LPCAT3: variants seen among roughly 807,000 people sequenced by gnomAD.
The protein encoded by LPCAT3 is lysophosphatidylcholine acyltransferase 3.
Under a neutral mutation model 63.4 loss-of-function variants are expected in LPCAT3, and 21 were observed. That is an observed-to-expected ratio of 0.33 (90% CI 0.23 to 0.48). The LOEUF (loss-of-function observed/expected upper bound fraction) is 0.48. Among genes scored for constraint, LPCAT3 ranks in the 20% least tolerant of loss-of-function variants. The probability of loss-of-function intolerance (pLI) is 0.99; values close to 1 mark genes in which losing one functional copy is unlikely to be tolerated. For missense variants in LPCAT3, 451 were observed against 590.6 expected, an observed-to-expected ratio of 0.76 and a Z score of 2.45; for synonymous variants, 242 against 227.5, an observed-to-expected ratio of 1.06 and a Z score of -0.58.
intron 5 of LPCAT3, 140 bp downstream of exon 5, chr12:6,981,455 G>GC: frequency 2.3e-6 from 2 of 875,338 alleles, no homozygotes; most frequent in Non-Finnish European, 3.8e-6. Context: ...CTTGCTCAGT[G>GC]CTATCTGAAA....
At chr12:6,998,298 G>A (rs782241827) in intron 1 of LPCAT3, among the ~76,000 whole-genome samples, 1 of 152,228 alleles carries the variant, frequency 6.6e-6, no homozygotes, top group Non-Finnish European at 1.5e-5. Flanking sequence ...TTACAGGTGT[G>A]AGCTACTATG....
At chr12:7,003,908 G>A (rs1478796045) in intron 1 of LPCAT3, among the ~76,000 whole-genome samples, 2 of 128,786 alleles carry the variant, frequency 1.6e-5, no homozygotes, top group Non-Finnish European at 3.1e-5. Flanking sequence ...CGGCCTGGGC[G>A]ACAGAGCGAG....
At chr12:7,007,694 C>G (rs1205176833) in intron 1 of LPCAT3, among the ~76,000 whole-genome samples, 1 of 151,830 alleles carries the variant, frequency 6.6e-6, no homozygotes, top group East Asian at 1.9e-4. Flanking sequence ...AGGGTTTCAC[C>G]ATGTTGGTCA....
intron 1 of LPCAT3, among the ~76,000 whole-genome samples, chr12:7,000,005 T>C (rs11064484): frequency 1.4e-5 from 2 of 148,042 alleles, no homozygotes; most frequent in African/African-American, 5.0e-5. Context: ...CTGAAACCTC[T>C]GCCTCTCAGG....
At chr12:6,978,741 T>C (rs782414403) in intron 7 of LPCAT3, 52 bp from the exon 8 acceptor site, 1 of 1,604,060 alleles carries the variant, frequency 6.2e-7, no homozygotes, top group Non-Finnish European at 8.5e-7. Flanking sequence ...CTAGGCAGTT[T>C]CTCTCAGCAC....
chr12:6,999,317 C>T (rs1467625082), intron 1 of LPCAT3, among the ~76,000 whole-genome samples: 1 of 151,952 alleles, frequency 6.6e-6, no homozygotes, highest in Non-Finnish European at 1.5e-5. Flanking sequence ...GAAACTGGGA[C>T]AAGTGATCAA....
chr12:7,012,869 G>A (rs1659619251), intron 1 of LPCAT3, among the ~76,000 whole-genome samples: 1 of 152,208 alleles, frequency 6.6e-6, no homozygotes, highest in Admixed American at 6.5e-5. Context: ...ACTCAGGCAG[G>A]AGGATGGAGT....
chr12:7,007,211 T>C (rs941182983), intron 1 of LPCAT3, among the ~76,000 whole-genome samples: 12 of 151,478 alleles, frequency 7.9e-5, no homozygotes, highest in Non-Finnish European at 1.2e-4. Flanking sequence ...GCCCGGCTAA[T>C]TTTTTGGATT....
intron 1 of LPCAT3, among the ~76,000 whole-genome samples, chr12:7,011,052 T>G (rs12578175): frequency 0.14 from 20,531 of 152,004 alleles, 1,998 homozygotes; most frequent in African/African-American, 0.27. Context: ...ATCTTGCTCT[T>G]TTGCCCATGC....
In LPCAT3 at chr12:6,990,564, AATTG is replaced by A. The variant is rs879976969; in HGVS notation, c.152-7029_152-7026del. On this transcript the variant is annotated intron_variant, in intron 1 of 12. Transcript: ENST00000261407. Reference sequence around the variant, plus strand: ...AAATAAATAAATAAATAAATAAATAAATTGAGCACCCCAAACAACTTTTGTTAAT... The same window carrying A: ...AAATAAATAAATAAATAAATAAATAAAGCACCCCAAACAACTTTTGTTAAT... Among the ~76,000 whole-genome samples, 238 of 117,564 alleles carry A rather than the reference AATTG, an allele frequency of 2.0e-3. 1 individual carries two copies. The highest frequency in any genetic ancestry group is 0.02 in the South Asian group (78 of 3,884). 77.1% of individuals were successfully genotyped at this position (117,564 alleles called of 152,430 possible).
intron 9 of LPCAT3, 200 bp downstream of exon 9, chr12:6,978,141 T>G (rs781806522): frequency 1.2e-5 from 8 of 652,916 alleles, no homozygotes; most frequent in Admixed American, 3.0e-5. Flanking sequence ...CACTTTTATA[T>G]CTTGCCTTTT....
Position 6,978,354 on chromosome 12 carries a change from C to T in LPCAT3, c.1027G>A (p.Ala343Thr), listed in dbSNP as rs2138328225. 3 of 1,610,122 alleles carry T rather than the reference C, an allele frequency of 1.9e-6. No individual in the cohort carries two copies. The highest frequency in any genetic ancestry group is 2.2e-5 in the East Asian group (1 of 44,830). The change falls in exon 9 of 13, where the codon GCC (alanine) becomes ACC (threonine). Residue 343 changes from alanine to threonine, a missense_variant. Coordinates refer to ENST00000261407, the MANE Select transcript of LPCAT3 (RefSeq NM_005768.6). ...CCAGCAGCTCACCGGGCCACCCAGG[C>T]GTTGGTGTTGATGTTGAATGAGGCA... ...TIASFNINTN[A>T]WVARYIFKRL...
intron 6 of LPCAT3, chr12:6,980,021 C>CTT (rs34110645): frequency 0.039 from 4,829 of 122,742 alleles, 163 homozygotes; most frequent in African/African-American, 0.079. Flanking sequence ...GGCAATTAAA[C>CTT]TTTTTTTTTT....
chr12:6,995,651 C>T (rs1361729709), intron 1 of LPCAT3, among the ~76,000 whole-genome samples: 8 of 151,978 alleles, frequency 5.3e-5, no homozygotes, highest in Non-Finnish European at 8.8e-5. Flanking sequence ...CCCTTAAATC[C>T]TTGCAATGGC....
chr12:6,985,731 C>G (rs370252408), intron 1 of LPCAT3, among the ~76,000 whole-genome samples: 1 of 151,040 alleles, frequency 6.6e-6, no homozygotes. Flanking sequence ...AACAAACAAA[C>G]AAATGCCATT....
At chr12:7,010,462 G>A (rs1220875510) in intron 1 of LPCAT3, among the ~76,000 whole-genome samples, 1 of 152,184 alleles carries the variant, frequency 6.6e-6, no homozygotes, top group African/African-American at 2.4e-5. Context: ...TGTTGCCCAG[G>A]CTGGTGCAGT....
At chr12:6,978,031 C>A in intron 9 of LPCAT3, 1 of 562,956 alleles carries the variant, frequency 1.8e-6, no homozygotes, top group Non-Finnish European at 3.2e-6. Context: ...AAGCTGCCCA[C>A]ACTCTAGTGG....
Position 6,977,495 on chromosome 12 carries a change from G to C in LPCAT3, c.1219C>G (p.Leu407Val), listed in dbSNP as rs1366082027. The C allele has an allele frequency of 6.2e-7, 1 of 1,614,110 alleles. No individual in the cohort carries two copies. The highest frequency in any genetic ancestry group is 1.7e-5 in the Admixed American group (1 of 60,008). The change falls in exon 11 of 13, where the codon CTG becomes GTG. Residue 407 changes from leucine (L) to valine (V), a missense_variant. Transcript: ENST00000261407. The surrounding 1 kb of genome is among the most constrained non-coding windows in gnomAD (Gnocchi z 4.5). ...AARLIQESPT[L>V]SKLAAITVLQ... Reference sequence around the variant, plus strand: ...ACAGTAATGGCGGCCAGCTTGCTCAGGGTGGGGCTCTCTTGAATGAGCCTG... The same window carrying C: ...ACAGTAATGGCGGCCAGCTTGCTCACGGTGGGGCTCTCTTGAATGAGCCTG...
At chr12:6,979,311 G>C (rs976251242) in intron 7 of LPCAT3, 160 bp downstream of exon 7, 26 of 630,998 alleles carry the variant, frequency 4.1e-5, no homozygotes, top group East Asian at 2.7e-5. Context: ...TGATGAACAT[G>C]TCCCAGCACG....
Sources: allele counts gnomAD v4.1 joint callset (sites outside exome capture counted in the v4.1 genomes callset), GRCh38; gene constraint gnomAD v4.1.1; non-coding constraint Gnocchi (gnomAD v3.1); transcripts MANE v1.5; gene names NCBI Gene and HGNC (gene_info 2026-07-23, HGNC 2026-07-21).